The following SLC4A8 variants were observed in gnomAD, a reference collection of about 807,000 sequenced individuals.
SLC4A8 encodes the protein solute carrier family 4 member 8, also known as electroneutral sodium bicarbonate exchanger 1.
Under a neutral mutation model 125.0 loss-of-function variants are expected in SLC4A8, and 40 were observed. The ratio of observed to expected loss-of-function variants is 0.32; its 90% CI spans 0.25 to 0.42. The LOEUF (loss-of-function observed/expected upper bound fraction) is 0.42. Among genes scored for constraint, SLC4A8 ranks in the 10% least tolerant of loss-of-function variants. SLC4A8 has a pLI of 1.00. For synonymous variants in SLC4A8, 456 were observed against 476.0 expected (o/e 0.96, Z 0.55); for missense variants, 863 against 1,355.1 (o/e 0.64, Z 5.70).
chr12:51,511,006 T>G lies in SLC4A8; in HGVS notation c.*3568T>G, dbSNP rs1022522511. 4 of 152,236 alleles carry G rather than the reference T, an allele frequency of 2.6e-5. No individual in the cohort carries two copies. Among genetic ancestry groups the G allele is most frequent in the Admixed American group, 6.5e-5 (1 of 15,288 alleles). The allele number at this position is 152,236 out of a possible 1,614,324, so 9.4% of individuals were successfully genotyped here. A position where few individuals can be genotyped will look rare whatever the true frequency, so the allele number is the denominator to read the frequency against. ...TGCAGATGATGGTGATTCTCTTCTT[T>G]TTTTTGTCTCCAATAGTTGCCTGGA... On this transcript the variant is annotated 3_prime_UTR_variant, in exon 25 of 25. Transcript: ENST00000453097.
At chr12:51,497,245 A>G (rs1951486885) in intron 22 of SLC4A8, 121 bp downstream of exon 22, 1 of 1,044,262 alleles carries the variant, frequency 9.6e-7, no homozygotes, top group Non-Finnish European at 1.4e-6. Flanking sequence ...TGGGAAGATT[A>G]CCCCCAAAGA....
At position 51,489,877 on chromosome 12, in the gene SLC4A8, C is replaced by A. The variant is rs1273934687; in HGVS notation, c.2626C>A (p.Arg876=). The A allele has an allele frequency of 6.2e-7, 1 of 1,614,176 alleles. No individual in the cohort carries two copies. Among genetic ancestry groups the A allele is most frequent in the East Asian group, 2.2e-5 (1 of 44,886 alleles). Residue 876 remains arginine (R), a synonymous_variant, in exon 19 of 25, where the codon CGA becomes AGA. Transcript: ENST00000453097. ...AGAACAGCCCAAGTTCCTGGGCATC[C>A]GAGAACAGAGAGTGACAGGCCTTAT... is the stretch of plus-strand genomic sequence containing the variant. ...PGEQPKFLGI[R]EQRVTGLMIF... is the part of the protein sequence containing the mutation.
chr12:51,413,791 A>G (rs551119575), intron 1 of SLC4A8, among the ~76,000 whole-genome samples: 14 of 152,198 alleles, frequency 9.2e-5, no homozygotes, highest in African/African-American at 3.4e-4. Flanking sequence ...GTCTGTTTTT[A>G]TATCGATACC....
intron 2 of SLC4A8, among the ~76,000 whole-genome samples, chr12:51,450,104 C>T (rs1056676116): frequency 5.3e-5 from 8 of 151,916 alleles, no homozygotes; most frequent in African/African-American, 1.7e-4. Context: ...CTCATGTTCC[C>T]CTCTCTTTGT....
In SLC4A8 at chr12:51,495,023, C is replaced by A. The variant is rs771786876; in HGVS notation, c.2848C>A (p.Arg950Ser). ...DFIYLRHVPL[R>S]KVHLFTLIQL... ...CATCTACCTGCGGCATGTGCCGCTG[C>A]GCAAAGTGCACCTCTTCACCCTCAT... The change falls in exon 21 of 25, where the codon CGC becomes AGC. Residue 950 changes from arginine (R) to serine (S), a missense_variant. Around this residue, in one of 6 missense-constraint regions of SLC4A8, gnomAD observed 197 missense variants for 377.7 expected, o/e 0.52. Coordinates refer to ENST00000453097, the MANE Select transcript of SLC4A8 (RefSeq NM_001039960.3). The A allele has an allele frequency of 9.3e-6, 15 of 1,614,100 alleles. No homozygotes were observed. The highest frequency in any genetic ancestry group is 8.5e-7 in the Non-Finnish European group (1 of 1,179,908).
chr12:51,502,390 C>CA (rs1937934670), intron 22 of SLC4A8: 1 of 152,266 alleles, frequency 6.6e-6, no homozygotes, highest in South Asian at 2.1e-4. Flanking sequence ...TACCTGCCAT[C>CA]ACGCCTGGGC....
intron 1 of SLC4A8, among the ~76,000 whole-genome samples, chr12:51,426,794 C>T (rs927468642): frequency 5.3e-5 from 8 of 151,226 alleles, no homozygotes; most frequent in Non-Finnish European, 8.8e-5. Flanking sequence ...AGGAAGTTGA[C>T]ATTTATCTGA....
intron 24 of SLC4A8, among the ~76,000 whole-genome samples, chr12:51,506,675 C>T (rs143706724): frequency 9.5e-4 from 145 of 152,318 alleles, no homozygotes; most frequent in African/African-American, 3.4e-3. Flanking sequence ...CTCAAGGGAT[C>T]CTCCTACCTT....
rs369680085 is a variant in SLC4A8 at position 51,507,543 on chromosome 12, G to T, written c.*105G>T. On this transcript the variant is annotated 3_prime_UTR_variant, in exon 25 of 25. Coordinates refer to ENST00000453097, the MANE Select transcript of SLC4A8 (RefSeq NM_001039960.3). ...CAGAGAAGAAGCAAGACCAAGTCTGGCCCTGTCCTTGGTCATCTCAAAGCC... is the reference window on the plus strand; with the variant it reads ...CAGAGAAGAAGCAAGACCAAGTCTGTCCCTGTCCTTGGTCATCTCAAAGCC... 35 of 793,600 alleles carry T rather than the reference G, an allele frequency of 4.4e-5. No homozygotes were observed. The South Asian group carries it at 5.2e-4, about 12-fold the overall frequency. The allele number at this position is 793,600 out of a possible 1,614,324, so 49.2% of individuals were successfully genotyped here.
chr12:51,429,582 A>G lies in SLC4A8; in HGVS notation c.48+4547A>G, dbSNP rs536092207. Among the ~76,000 whole-genome samples, 17 of 152,194 alleles carry G rather than the reference A, an allele frequency of 1.1e-4. 1 individual carries two copies. Among genetic ancestry groups the G allele is most frequent in the Non-Finnish European group, 2.4e-4 (16 of 68,006 alleles). ...CAGTGGTGTGATCTCAGCTCACTGCAGCGTCGACCTCCTGGGCTCAAGTGA... is the reference window on the plus strand; with the variant it reads ...CAGTGGTGTGATCTCAGCTCACTGCGGCGTCGACCTCCTGGGCTCAAGTGA... On this transcript the variant is annotated intron_variant, in intron 1 of 24. Transcript: ENST00000453097.
chr12:51,432,873 A>G (rs2138076289), intron 1 of SLC4A8, among the ~76,000 whole-genome samples: 1 of 152,242 alleles, frequency 6.6e-6, no homozygotes, highest in African/African-American at 2.4e-5. Context: ...ATGTTAATGT[A>G]TGTACTCTCT....
chr12:51,400,729 TA>T (rs1302217032), intron 1 of SLC4A8, among the ~76,000 whole-genome samples: 13 of 270 alleles, frequency 0.048, no homozygotes, highest in African/African-American at 0.17. Context: ...AACTCCTTTA[TA>T]TATATATATA....
chr12:51,424,073 A>C (rs866619643), upstream of SLC4A8, among the ~76,000 whole-genome samples: 2,941 of 130,664 alleles, frequency 0.023, 132 homozygotes, highest in African/African-American at 0.069. Context: ...CAACAAAAAA[A>C]AAACAAAAAA....
At chr12:51,398,812 T>C (rs1202414297) in intron 1 of SLC4A8, among the ~76,000 whole-genome samples, 5 of 152,250 alleles carry the variant, frequency 3.3e-5, no homozygotes, top group Non-Finnish European at 7.3e-5. Flanking sequence ...TGCAGTGGCC[T>C]GATCTCGGCT....
At chr12:51,476,816 A>G (rs1473964159) in intron 16 of SLC4A8, among the ~76,000 whole-genome samples, 1 of 151,256 alleles carries the variant, frequency 6.6e-6, no homozygotes, top group Non-Finnish European at 1.5e-5. Context: ...TGGGCGGGGC[A>G]TTATTTACGG....
At chr12:51,439,120 G>A (rs189702197) in intron 1 of SLC4A8, among the ~76,000 whole-genome samples, 261 of 152,128 alleles carry the variant, frequency 1.7e-3, no homozygotes, top group African/African-American at 6.0e-3. Flanking sequence ...ACAATGGTGC[G>A]ATCTCAGCTC....
chr12:51,489,351 T>C (rs1225472157), intron 18 of SLC4A8, among the ~76,000 whole-genome samples: 2 of 152,142 alleles, frequency 1.3e-5, no homozygotes, highest in African/African-American at 4.8e-5. Context: ...TAAGGACACT[T>C]ACCTCTAACT....
At chr12:51,498,147 A>G (rs1181170627) in intron 22 of SLC4A8, among the ~76,000 whole-genome samples, 1 of 152,108 alleles carries the variant, frequency 6.6e-6, no homozygotes, top group African/African-American at 2.4e-5. Context: ...ATATAAAGTC[A>G]ATGGAAGAAA....
chr12:51,412,310 T>C (rs1425873136), intron 1 of SLC4A8, among the ~76,000 whole-genome samples: 1 of 152,212 alleles, frequency 6.6e-6, no homozygotes, highest in African/African-American at 2.4e-5. Flanking sequence ...AGTTGATGCA[T>C]AATAATTATA....
Sources: allele counts gnomAD v4.1 joint callset (sites outside exome capture counted in the v4.1 genomes callset), GRCh38; gene constraint gnomAD v4.1.1; regional missense constraint gnomAD v4.1.1; transcripts MANE v1.5; gene names NCBI Gene and HGNC (gene_info 2026-07-23, HGNC 2026-07-21).